RAPGEF1: variants seen among roughly 807,000 people sequenced by gnomAD.
RAPGEF1 encodes the protein CRK SH3-binding GNRP.
RAPGEF1 carries 33 observed loss-of-function variants against 143.3 expected under a neutral mutation model. The observed-to-expected ratio is 0.23, with a 90% confidence interval of 0.17 to 0.31. RAPGEF1 has a LOEUF of 0.31. RAPGEF1 is among the 10% of genes least tolerant of loss of function. The pLI, the probability that RAPGEF1 is intolerant of heterozygous loss-of-function variation, is 1.00. For missense variants in RAPGEF1, 1,199 were observed against 1,645.4 expected (o/e 0.73, Z 4.69); for synonymous variants, 629 against 676.5 (o/e 0.93, Z 1.09).
intron 1 of RAPGEF1, chr9:131,710,063 AG>A (rs2131203322): frequency 1.9e-6 from 1 of 530,584 alleles, no homozygotes; most frequent in Non-Finnish European, 2.4e-6. Context: ...TTTTCTCCGC[AG>A]GAGAAATGGG....
chr9:131,673,987 C>T (rs1181900080), intron 1 of RAPGEF1, among the ~76,000 whole-genome samples: 2 of 152,150 alleles, frequency 1.3e-5, no homozygotes, highest in African/African-American at 2.4e-5. Context: ...CATGACAATC[C>T]GTGGACTGAA....
At chr9:131,632,688 G>A (rs964488247) in intron 5 of RAPGEF1, among the ~76,000 whole-genome samples, 4 of 152,180 alleles carry the variant, frequency 2.6e-5, no homozygotes, top group Admixed American at 1.3e-4. Context: ...GCACTGTATC[G>A]TGGAAAGATG....
At position 131,630,285 on chromosome 9, in the gene RAPGEF1, A is replaced by G. The variant is rs1259996460; in HGVS notation, c.691T>C (p.Ser231Pro). The change falls in exon 6 of 27, where the codon TCT becomes CCT. Residue 231 changes from serine (S) to proline (P), a missense_variant. Ser to Pro is a moderately conservative substitution (Grantham distance 74). Around this residue, in one of 6 missense-constraint regions of RAPGEF1, gnomAD observed 613 missense variants for 710.9 expected, o/e 0.86. Coordinates refer to ENST00000683357, the MANE Select transcript of RAPGEF1 (RefSeq NM_001377935.1). ...CTGGGCTTCACGGGGCTCGTCGGAG[A>G]CGGACGTCCCTGCTTCTCGATGGTG... is the stretch of plus-strand genomic sequence containing the variant. ...RLTIEKQGRP[S>P]PTSPVKPSSP... The G allele has an allele frequency of 1.1e-5, 17 of 1,613,490 alleles. No individual in the cohort carries two copies. The highest frequency in any genetic ancestry group is 1.3e-5 in the African/African-American group (1 of 74,846).
intron 3 of RAPGEF1, among the ~76,000 whole-genome samples, chr9:131,645,607 A>G (rs1204606559): frequency 2.0e-5 from 3 of 152,268 alleles, no homozygotes; most frequent in Non-Finnish European, 4.4e-5. Flanking sequence ...CCAGCCTTTC[A>G]GCTGTCAAGC....
rs1961089151 is a variant in RAPGEF1 at position 131,621,713 on chromosome 9, C to A, written c.1905+83G>T. On this transcript the variant is annotated intron_variant, in intron 11 of 26. Coordinates refer to ENST00000683357, the MANE Select transcript of RAPGEF1 (RefSeq NM_001377935.1). This position sits in a 1 kb window ranked among gnomAD's most constrained non-coding sequence, Gnocchi z 4.5. The stretch of plus-strand genomic sequence containing the variant: ...CTGCCACAGCAGGGAGGAGGGTTAA[C>A]CCTGCCCCCAAGGAGGGTCATTCTG... 7 of 1,407,552 alleles carry A rather than the reference C, an allele frequency of 5.0e-6. No individual in the cohort carries two copies. The highest frequency in any genetic ancestry group is 6.8e-6 in the Non-Finnish European group (7 of 1,031,552). 87.2% of individuals were successfully genotyped at this position (1,407,552 alleles called of 1,614,324 possible). A position where few individuals can be genotyped will look rare whatever the true frequency, so the allele number is the denominator to read the frequency against.
intron 1 of RAPGEF1, among the ~76,000 whole-genome samples, chr9:131,716,126 A>T (rs1037556749): frequency 6.6e-6 from 1 of 152,194 alleles, no homozygotes; most frequent in African/African-American, 2.4e-5. Flanking sequence ...CTATCCAGGC[A>T]GGCCTAGAAG....
chr9:131,662,402 A>G (rs1974370346), intron 1 of RAPGEF1, among the ~76,000 whole-genome samples: 1 of 152,044 alleles, frequency 6.6e-6, no homozygotes, highest in South Asian at 2.1e-4. Context: ...ATTTTTTGAG[A>G]CAGGGTCTTG....
intron 1 of RAPGEF1, among the ~76,000 whole-genome samples, chr9:131,734,786 C>CA (rs1231539373): frequency 6.6e-6 from 1 of 152,194 alleles, no homozygotes; most frequent in African/African-American, 2.4e-5. Flanking sequence ...AAAATGTGAC[C>CA]ATGAAATGCA....
intron 19 of RAPGEF1, among the ~76,000 whole-genome samples, chr9:131,589,400 G>A (rs1042579149): frequency 6.6e-6 from 1 of 152,216 alleles, no homozygotes; most frequent in Non-Finnish European, 1.5e-5. Flanking sequence ...TTTCCCAGCC[G>A]CACAGCCACT....
At chr9:131,613,548 G>A (rs751567613) in intron 12 of RAPGEF1, among the ~76,000 whole-genome samples, 2 of 152,196 alleles carry the variant, frequency 1.3e-5, no homozygotes, top group African/African-American at 2.4e-5. Flanking sequence ...GAGTGGCCAC[G>A]GGCTGGAGAG....
At chr9:131,625,452 C>T (rs1333052605) in intron 10 of RAPGEF1, among the ~76,000 whole-genome samples, 1 of 152,136 alleles carries the variant, frequency 6.6e-6, no homozygotes, top group Non-Finnish European at 1.5e-5. Flanking sequence ...CCCCAGCTTC[C>T]AAGTCATTCT....
At chr9:131,723,716 T>C (rs1836435761) in intron 1 of RAPGEF1, among the ~76,000 whole-genome samples, 1 of 152,248 alleles carries the variant, frequency 6.6e-6, no homozygotes, top group Non-Finnish European at 1.5e-5. Context: ...TTGGCTGTTG[T>C]GAATGATGCT....
intron 1 of RAPGEF1, among the ~76,000 whole-genome samples, chr9:131,726,870 G>A (rs1359235759): frequency 6.6e-6 from 1 of 152,004 alleles, no homozygotes; most frequent in African/African-American, 2.4e-5. Context: ...AGGGTGTGGT[G>A]GTACGCACCT....
chr9:131,679,169 G>GC (rs887979456), intron 1 of RAPGEF1, among the ~76,000 whole-genome samples: 1 of 150,268 alleles, frequency 6.7e-6, no homozygotes, highest in Non-Finnish European at 1.5e-5. Flanking sequence ...TGTGACAAGG[G>GC]GGGGGCCACA....
At chr9:131,709,920 G>A (rs897581975) in intron 1 of RAPGEF1, 42 of 985,264 alleles carry the variant, frequency 4.3e-5, no homozygotes, top group Admixed American at 6.1e-5. Flanking sequence ...GCTTGTTATC[G>A]CCCTACCGGT....
Position 131,579,184 on chromosome 9 carries a change from G to A in RAPGEF1, c.*313C>T. ...CTGCTCTCTCCCTGGAGGGGAGTGG[G>A]TGGAAGGTCAAGAGGGGAGAGATGG... On this transcript the variant is annotated 3_prime_UTR_variant, in exon 27 of 27. Transcript: ENST00000683357. 3.3e-6 allele frequency: 1 copy of A among 302,796 alleles called. No homozygotes were observed. Among genetic ancestry groups the A allele is most frequent in the Non-Finnish European group, 6.3e-6 (1 of 158,538 alleles). The allele number at this position is 302,796 out of a possible 1,614,324, so 18.8% of individuals were successfully genotyped here.
Position 131,587,937 on chromosome 9 carries a change from T to G in RAPGEF1, c.3138+5A>C. 1.2e-6 allele frequency: 2 copies of G among 1,609,234 alleles called. No homozygotes were observed. Among genetic ancestry groups the G allele is most frequent in the East Asian group, 2.2e-5 (1 of 44,742 alleles). On this transcript the variant is annotated splice_donor_5th_base_variant and intron_variant, in intron 21 of 26. Transcript: ENST00000683357. ...GTGGCTCCCCCTGGCAGGAGCAGCC[T>G]GTACCTCTATTTTATAGAAGAGCTC...
rs564280439 is a variant in RAPGEF1, at chr9:131,703,272, T to C, written c.61+36498A>G. On this transcript the variant is annotated intron_variant, in intron 1 of 26. Coordinates refer to ENST00000683357, the MANE Select transcript of RAPGEF1 (RefSeq NM_001377935.1). ...ACCTCAGCCTTCCAAAGTGCAGGGA[T>C]TATAGGTGTGAGCCATCATGCCCGG... 1.1e-3 allele frequency among the ~76,000 whole-genome samples: 160 copies of C among 152,312 alleles called. 1 individual carries two copies. Among genetic ancestry groups the C allele is most frequent in the South Asian group, 1.5e-3 (7 of 4,822 alleles).
chr9:131,586,328 ACCTG>A (rs1952790048), intron 22 of RAPGEF1, among the ~76,000 whole-genome samples: 2 of 141,632 alleles, frequency 1.4e-5, no homozygotes, highest in Non-Finnish European at 3.1e-5. Flanking sequence ...ACACACACAC[ACCTG>A]CAGAGCAAGA....
Sources: allele counts gnomAD v4.1 joint callset (sites outside exome capture counted in the v4.1 genomes callset), GRCh38; gene constraint gnomAD v4.1.1; regional missense constraint gnomAD v4.1.1; non-coding constraint Gnocchi (gnomAD v3.1); transcripts MANE v1.5; gene names NCBI Gene and HGNC (gene_info 2026-07-23, HGNC 2026-07-21).